Variants in TMEM120B observed in about 807,000 individuals in gnomAD.
TMEM120B encodes transmembrane protein 120B.
In TMEM120B, 31 loss-of-function variants were observed where a neutral mutation model predicts 55.5. The ratio of observed to expected loss-of-function variants is 0.56; its 90% CI spans 0.42 to 0.75. TMEM120B has a LOEUF of 0.75. Ranked by LOEUF, TMEM120B falls within the 30% of genes least tolerant of loss-of-function variation. The pLI is 0.00. For missense variants in TMEM120B, 399 were observed against 425.5 expected, an observed-to-expected ratio of 0.94 and a Z score of 0.55; for synonymous variants, 203 against 176.3, an observed-to-expected ratio of 1.15 and a Z score of -1.20.
In TMEM120B at chr12:121,712,874, C is replaced by T; in HGVS notation, c.-22C>T. Reference sequence around the variant, plus strand: ...GCGCTGCGGGAGCAGCCGCCGGCACCGCCGCCTTGCACCATCGCATCATGT... The same window carrying T: ...GCGCTGCGGGAGCAGCCGCCGGCACTGCCGCCTTGCACCATCGCATCATGT... On this transcript the variant is annotated 5_prime_UTR_variant, in exon 1 of 12. Transcript: ENST00000449592. 1 of 1,474,168 alleles carries T rather than the reference C, an allele frequency of 6.8e-7. No homozygotes were observed. Among genetic ancestry groups the T allele is most frequent in the Non-Finnish European group, 9.0e-7 (1 of 1,113,576 alleles). The allele number at this position is 1,474,168 out of a possible 1,614,324, so 91.3% of individuals were successfully genotyped here. A position where few individuals can be genotyped will look rare whatever the true frequency, so the allele number is the denominator to read the frequency against.
chr12:121,778,437 T>A lies in TMEM120B; in HGVS notation c.*2715T>A, dbSNP rs1227951445. ...CTGCACTCTAGCCTGAGTGACAGAA[T>A]GAGACTCTGTCCCAAAAAAAAAAAA... On this transcript the variant is annotated 3_prime_UTR_variant, in exon 12 of 12. Transcript: ENST00000449592. 3 of 132,224 alleles carry A rather than the reference T, an allele frequency of 2.3e-5. No homozygotes were observed. The Admixed American group carries it at 2.5e-4, about 11-fold the overall frequency. 8.2% of individuals were successfully genotyped at this position (132,224 alleles called of 1,614,324 possible).
At chr12:121,759,642 C>T (rs548466593) in intron 5 of TMEM120B, among the ~76,000 whole-genome samples, 9 of 152,038 alleles carry the variant, frequency 5.9e-5, no homozygotes, top group African/African-American at 2.2e-4. Flanking sequence ...CCCACCATTG[C>T]ACTCCAGCCT....
intron 5 of TMEM120B, among the ~76,000 whole-genome samples, chr12:121,753,543 C>G (rs2137226363): frequency 6.6e-6 from 1 of 151,922 alleles, no homozygotes; most frequent in East Asian, 1.9e-4. Flanking sequence ...TGCACTCCAG[C>G]CTGGACAACA....
At chr12:121,745,535 G>T (rs1592935025) in intron 2 of TMEM120B, among the ~76,000 whole-genome samples, 1 of 151,412 alleles carries the variant, frequency 6.6e-6, no homozygotes, top group Non-Finnish European at 1.5e-5. Flanking sequence ...GGGATTACAG[G>T]TGCCCGCCAC....
chr12:121,769,920 G>A (rs377353790), intron 6 of TMEM120B, among the ~76,000 whole-genome samples: 5 of 152,092 alleles, frequency 3.3e-5, no homozygotes, highest in African/African-American at 1.2e-4. Context: ...CATGAAGGAG[G>A]TGAAGTGGGG....
Position 121,775,999 on chromosome 12 carries a change from T to C in TMEM120B, c.*277T>C. The C allele has an allele frequency of 3.4e-6, 2 of 593,260 alleles. No individual in the cohort carries two copies. Among genetic ancestry groups the C allele is most frequent in the Non-Finnish European group, 6.0e-6 (2 of 332,546 alleles). The allele number at this position is 593,260 out of a possible 1,614,324, so 36.7% of individuals were successfully genotyped here. The stretch of plus-strand genomic sequence containing the variant: ...GTGGCTGAGGCCGGGCCAGTCTTCC[T>C]GGGGATGGGGCCTGAAGCCTCAGGG... On this transcript the variant is annotated 3_prime_UTR_variant, in exon 12 of 12. Transcript: ENST00000449592. This position sits in a 1 kb window ranked among gnomAD's most constrained non-coding sequence, Gnocchi z 4.3.
chr12:121,729,232 G>T (rs1443353625), intron 1 of TMEM120B, among the ~76,000 whole-genome samples: 2 of 152,226 alleles, frequency 1.3e-5, no homozygotes, highest in Non-Finnish European at 2.9e-5. Flanking sequence ...AAGGTTGCTT[G>T]GAGGCTTGCA....
chr12:121,732,910 C>T (rs565583223), intron 1 of TMEM120B, among the ~76,000 whole-genome samples: 1 of 148,746 alleles, frequency 6.7e-6, no homozygotes, highest in Non-Finnish European at 1.5e-5. Flanking sequence ...ACCTGGGAGG[C>T]GGAGGTTGCA....
At chr12:121,755,200 C>T (rs933364208) in intron 5 of TMEM120B, among the ~76,000 whole-genome samples, 9 of 152,186 alleles carry the variant, frequency 5.9e-5, no homozygotes, top group Non-Finnish European at 1.0e-4. Context: ...GCTCCCCACC[C>T]GGAGGCCCTT....
At chr12:121,736,340 T>G (rs538315767) in intron 1 of TMEM120B, among the ~76,000 whole-genome samples, 1 of 151,118 alleles carries the variant, frequency 6.6e-6, no homozygotes, top group East Asian at 2.0e-4. Context: ...TTTTTTTTTT[T>G]TGTATTTTTA....
intron 1 of TMEM120B, among the ~76,000 whole-genome samples, chr12:121,728,731 G>T (rs184321828): frequency 4.9e-4 from 75 of 152,292 alleles, no homozygotes; most frequent in African/African-American, 1.7e-3. Flanking sequence ...CTACCTTCAG[G>T]TGTAAGCAGT....
At chr12:121,715,193 G>A (rs1195301446) in intron 1 of TMEM120B, among the ~76,000 whole-genome samples, 1 of 151,976 alleles carries the variant, frequency 6.6e-6, no homozygotes, top group African/African-American at 2.4e-5. Flanking sequence ...AAATTAGCTG[G>A]GTGTGGTGGC....
chr12:121,742,534 T>C (rs1280264548), intron 1 of TMEM120B, among the ~76,000 whole-genome samples: 1 of 152,210 alleles, frequency 6.6e-6, no homozygotes, highest in African/African-American at 2.4e-5. Context: ...GTCTGTATCA[T>C]TCTAATTTTG....
At position 121,761,699 on chromosome 12, in the gene TMEM120B, T is replaced by C; in HGVS notation, c.512T>C (p.Leu171Pro). 2 of 1,614,028 alleles carry C rather than the reference T, an allele frequency of 1.2e-6. No homozygotes were observed. The highest frequency in any genetic ancestry group is 3.3e-5 in the Admixed American group (2 of 60,000). The change falls in exon 6 of 12, where the codon CTG becomes CCG. Residue 171 changes from leucine (L) to proline (P), a missense_variant. By Grantham distance (98) the Leu-to-Pro change is moderately conservative. Coordinates refer to ENST00000449592, the MANE Select transcript of TMEM120B (RefSeq NM_001080825.2). ...CTGCTGGTGTGGTATTACTGCACCC[T>C]GACCATTCGGGAGAGCATTCTCATC... ...NFLLVWYYCTLTIRESILISN... is the reference protein window; with the variant it reads ...NFLLVWYYCTPTIRESILISN...
intron 6 of TMEM120B, among the ~76,000 whole-genome samples, chr12:121,763,518 A>G (rs1475518270): frequency 6.6e-6 from 1 of 151,928 alleles, no homozygotes; most frequent in Non-Finnish European, 1.5e-5. Flanking sequence ...ATCTCAGCTC[A>G]CTGCAACCTC....
chr12:121,723,146 TTTTGTTTG>T (rs71801370), intron 1 of TMEM120B, among the ~76,000 whole-genome samples: 36 of 151,058 alleles, frequency 2.4e-4, no homozygotes, highest in South Asian at 6.3e-4. Flanking sequence ...CGCGCCTGGC[TTTTGTTTG>T]TTTGTTTGTT....
chr12:121,727,663 G>C (rs1894921810), intron 1 of TMEM120B, among the ~76,000 whole-genome samples: 1 of 151,778 alleles, frequency 6.6e-6, no homozygotes, highest in Admixed American at 6.6e-5. Context: ...CACGAGGTCA[G>C]GAGATAGAGA....
At chr12:121,749,783 G>A (rs1039222089) in intron 3 of TMEM120B, among the ~76,000 whole-genome samples, 1 of 151,952 alleles carries the variant, frequency 6.6e-6, no homozygotes, top group Non-Finnish European at 1.5e-5. Context: ...GCACGTGCCT[G>A]TAATCCCAGC....
At position 121,776,943 on chromosome 12, in the gene TMEM120B, A is replaced by G. The variant is rs1874267651; in HGVS notation, c.*1221A>G. 6.9e-6 allele frequency: 1 copy of G among 144,562 alleles called. No homozygotes were observed. Among genetic ancestry groups the G allele is most frequent in the Non-Finnish European group, 1.5e-5 (1 of 66,738 alleles). 9.0% of individuals were successfully genotyped at this position (144,562 alleles called of 1,614,324 possible). A position where few individuals can be genotyped will look rare whatever the true frequency, so the allele number is the denominator to read the frequency against. ...GCTGGGACCACAATCACACACCACC[A>G]TGCCCTGCTCCTTTTTTTTTTTTTT... is the stretch of plus-strand genomic sequence containing the variant. On this transcript the variant is annotated 3_prime_UTR_variant, in exon 12 of 12. Transcript: ENST00000449592.
Sources: gnomAD v4.1 joint callset for allele counts (sites outside exome capture counted in the v4.1 genomes callset) on GRCh38, gnomAD v4.1.1 for gene constraint, Gnocchi (gnomAD v3.1) non-coding constraint, MANE v1.5 for transcripts, NCBI Gene and HGNC (gene_info 2026-07-23, HGNC 2026-07-21) for gene names.